The following DOCK3 variants were observed in gnomAD, a reference collection of about 807,000 sequenced individuals.
DOCK3 encodes the protein dedicator of cytokinesis 3, also known as dedicator of cytokinesis protein 3.
Under a neutral mutation model 265.6 loss-of-function variants are expected in DOCK3, and 60 were observed. The ratio of observed to expected loss-of-function variants is 0.23; its 90% CI spans 0.18 to 0.28. DOCK3 has a LOEUF of 0.28. DOCK3 is among the 10% of genes least tolerant of loss of function. The pLI, the probability that DOCK3 is intolerant of heterozygous loss-of-function variation, is 1.00. For synonymous variants in DOCK3, 881 were observed against 938.0 expected (o/e 0.94, Z 1.11); for missense variants, 1,981 against 2,594.3 (o/e 0.76, Z 5.14).
chr3:50,819,410 T>A (rs1261492074), intron 2 of DOCK3, among the ~76,000 whole-genome samples: 1 of 152,200 alleles, frequency 6.6e-6, no homozygotes, highest in Non-Finnish European at 1.5e-5. Flanking sequence ...ATAGATAGTT[T>A]CACACATATT....
At chr3:51,280,786 C>G (rs967366186) in intron 27 of DOCK3, among the ~76,000 whole-genome samples, 4 of 152,080 alleles carry the variant, frequency 2.6e-5, no homozygotes, top group African/African-American at 9.7e-5. Context: ...CCTAGCTACT[C>G]TTGAGGCTAA....
At chr3:50,844,713 TAGGC>T (rs2045999643) in intron 3 of DOCK3, among the ~76,000 whole-genome samples, 1 of 152,190 alleles carries the variant, frequency 6.6e-6, no homozygotes. Flanking sequence ...AGAAGCATGA[TAGGC>T]AGGAAGTATA....
At chr3:50,720,187 A>T (rs919011205) in intron 1 of DOCK3, among the ~76,000 whole-genome samples, 2 of 152,036 alleles carry the variant, frequency 1.3e-5, no homozygotes, top group Non-Finnish European at 2.9e-5. Context: ...CATTTTTTAT[A>T]TAGGTAAATT....
intron 25 of DOCK3, 60 bp downstream of exon 25, chr3:51,275,266 G>C: frequency 6.2e-7 from 1 of 1,603,960 alleles, no homozygotes. Flanking sequence ...TGTTACTTTA[G>C]CCAGAGGCAG....
chr3:50,905,520 A>C (rs201761970), intron 4 of DOCK3, among the ~76,000 whole-genome samples: 2 of 152,010 alleles, frequency 1.3e-5, no homozygotes, highest in East Asian at 1.9e-4. Context: ...TTCTCTTTGA[A>C]GCAATTGTGA....
chr3:51,294,211 T>C (rs1345747954), intron 27 of DOCK3, among the ~76,000 whole-genome samples: 10 of 152,178 alleles, frequency 6.6e-5, no homozygotes, highest in Admixed American at 5.9e-4. Context: ...AGCAGATGAA[T>C]AGATTTTTAA....
intron 5 of DOCK3, among the ~76,000 whole-genome samples, chr3:51,062,640 C>CT (rs1288800851): frequency 6.6e-6 from 1 of 152,196 alleles, no homozygotes; most frequent in Non-Finnish European, 1.5e-5. Context: ...AGAGCAGGGA[C>CT]TTTTGATCAC....
intron 5 of DOCK3, among the ~76,000 whole-genome samples, chr3:50,968,850 A>G (rs1352180255): frequency 6.6e-6 from 1 of 152,122 alleles, no homozygotes; most frequent in Admixed American, 6.6e-5. Flanking sequence ...GTGCCCAGCC[A>G]TGATTTCAAT....
rs1344985189 is a variant in DOCK3, at chr3:51,382,379, CAGAGAGGCT to C, written c.*822_*830del. On this transcript the variant is annotated 3_prime_UTR_variant, in exon 53 of 53. Transcript: ENST00000266037. Reference sequence around the variant, plus strand: ...TGGGGTTTGAGTGGAGGTATGGAGCCAGAGAGGCTATCCTAGCTACCTTCCTCCTAGGGG... The same window carrying C: ...TGGGGTTTGAGTGGAGGTATGGAGCCATCCTAGCTACCTTCCTCCTAGGGG... 4 of 152,698 alleles carry C rather than the reference CAGAGAGGCT, an allele frequency of 2.6e-5. No individual in the cohort carries two copies. In the East Asian group the frequency reaches 7.7e-4, roughly 29 times the overall value. The allele number at this position is 152,698 out of a possible 1,614,324, so 9.5% of individuals were successfully genotyped here.
At chr3:51,153,533 A>G (rs947540111) in intron 10 of DOCK3, among the ~76,000 whole-genome samples, 2 of 152,154 alleles carry the variant, frequency 1.3e-5, no homozygotes, top group African/African-American at 2.4e-5. Context: ...ACCAGTCCCA[A>G]TGAGATGAAC....
intron 6 of DOCK3, among the ~76,000 whole-genome samples, chr3:51,071,083 T>G (rs1023036115): frequency 6.6e-6 from 1 of 152,220 alleles, no homozygotes; most frequent in African/African-American, 2.4e-5. Flanking sequence ...ATTTTCTATA[T>G]TCTGTGGTTC....
intron 24 of DOCK3, among the ~76,000 whole-genome samples, chr3:51,273,152 A>G (rs1431127156): frequency 6.7e-6 from 1 of 148,262 alleles, no homozygotes; most frequent in African/African-American, 2.5e-5. Flanking sequence ...ACAGAGTGAG[A>G]CTCTGTCTCA....
chr3:50,845,097 C>T (rs979919139), intron 3 of DOCK3, among the ~76,000 whole-genome samples: 1 of 152,000 alleles, frequency 6.6e-6, no homozygotes, highest in Admixed American at 6.5e-5. Context: ...GTGGTGCACT[C>T]CTGTGATCCT....
At chr3:51,227,884 C>T (rs1280915561) in intron 16 of DOCK3, 98 bp from the exon 17 acceptor site, 14 of 1,178,848 alleles carry the variant, frequency 1.2e-5, no homozygotes, top group African/African-American at 6.1e-5. Context: ...ATGAAAGAGG[C>T]GAGGAACAAA....
intron 3 of DOCK3, among the ~76,000 whole-genome samples, chr3:50,876,398 A>C (rs1446197795): frequency 6.6e-6 from 1 of 152,122 alleles, no homozygotes; most frequent in Non-Finnish European, 1.5e-5. Context: ...TTTGTTTTAA[A>C]TATTTTAAGG....
At chr3:50,914,718 T>C (rs1390360726) in intron 4 of DOCK3, among the ~76,000 whole-genome samples, 1 of 152,138 alleles carries the variant, frequency 6.6e-6, no homozygotes, top group Non-Finnish European at 1.5e-5. Context: ...TAATGTAATG[T>C]GTAGTTTAAA....
chr3:50,956,892 T>G (rs2108354792), intron 5 of DOCK3, among the ~76,000 whole-genome samples: 1 of 152,344 alleles, frequency 6.6e-6, no homozygotes, highest in South Asian at 2.1e-4. Context: ...AGACAGAGTC[T>G]TGCTTTGTCG....
chr3:51,178,512 G>A (rs907620280), intron 12 of DOCK3, among the ~76,000 whole-genome samples: 7 of 152,154 alleles, frequency 4.6e-5, no homozygotes, highest in East Asian at 1.9e-4. Context: ...TTAAAGGAAC[G>A]CTGACCAAAT....
At chr3:51,234,601 T>C (rs1376730577) in intron 19 of DOCK3, among the ~76,000 whole-genome samples, 1 of 152,230 alleles carries the variant, frequency 6.6e-6, no homozygotes, top group Non-Finnish European at 1.5e-5. Context: ...CCTGATATCT[T>C]TCTGGCTCTA....
Sources: allele counts gnomAD v4.1 joint callset (sites outside exome capture counted in the v4.1 genomes callset), GRCh38; gene constraint gnomAD v4.1.1; transcripts MANE v1.5; gene names NCBI Gene and HGNC (gene_info 2026-07-23, HGNC 2026-07-21).